SDK2: variants seen among roughly 807,000 people sequenced by gnomAD.
SDK2 encodes protein sidekick-2.
A neutral mutation model predicts 253.9 loss-of-function variants in SDK2; 105 were observed. The observed-to-expected ratio is 0.41, with a 90% CI of 0.35 to 0.49. The LOEUF (loss-of-function observed/expected upper bound fraction) is 0.49. Ranked by LOEUF, SDK2 falls within the 20% of genes least tolerant of loss-of-function variation. SDK2 has a pLI of 0.06. For synonymous variants in SDK2, 1,249 were observed against 1,234.9 expected (o/e 1.01, Z -0.24); for missense variants, 2,608 against 3,003.0 (o/e 0.87, Z 3.07).
At chr17:73,373,088 T>C (rs2062750472) in intron 36 of SDK2, among the ~76,000 whole-genome samples, 1 of 152,226 alleles carries the variant, frequency 6.6e-6, no homozygotes. Context: ...AGTTTGATTA[T>C]TTTAGATTCC....
chr17:73,532,851 T>G (rs2064180903), intron 1 of SDK2, among the ~76,000 whole-genome samples: 1 of 152,202 alleles, frequency 6.6e-6, no homozygotes, highest in Admixed American at 6.5e-5. Context: ...GGGTGGTTAG[T>G]GTGTCTGTCT....
rs1289704949 is a variant in SDK2 at position 73,361,319 on chromosome 17, G to T, written c.5467+365C>A. ...GAAGATGGCTCTGGCTGGGCGAAAG[G>T]CAGGGGCACCTGCCAGGCTGCATCC... is the stretch of plus-strand genomic sequence containing the variant. On this transcript the variant is annotated intron_variant, in intron 39 of 44. Coordinates refer to ENST00000392650, the MANE Select transcript of SDK2 (RefSeq NM_001144952.2). The surrounding 1 kb of genome is among the most constrained non-coding windows in gnomAD (Gnocchi z 4.1). Among the ~76,000 whole-genome samples the T allele has an allele frequency of 6.6e-6, 1 of 152,192 alleles. No homozygotes were observed. Among genetic ancestry groups the T allele is most frequent in the Non-Finnish European group, 1.5e-5 (1 of 68,036 alleles).
chr17:73,424,048 T>C lies in SDK2; in HGVS notation c.1628A>G (p.His543Arg). The change falls in exon 13 of 45, where the codon CAT becomes CGT. Residue 543 changes from histidine (H) to arginine (R), a missense_variant. His to Arg is a conservative substitution (Grantham distance 29, BLOSUM62 0). Around this residue, in one of 2 missense-constraint regions of SDK2, gnomAD observed 1,505 missense variants for 1,859.1 expected, o/e 0.81. Transcript: ENST00000392650. ...GTTTCTGTCCAGGCGGATACGAGGA[T>C]GGCTCTCCGTGCCCAGGGTGGCCCC... is the stretch of plus-strand genomic sequence containing the variant. Reference protein sequence around the residue: ...KDGATLGTESHPRIRLDRNGS... With the variant: ...KDGATLGTESRPRIRLDRNGS... The C allele has an allele frequency of 6.2e-7, 1 of 1,613,050 alleles. No homozygotes were observed. The highest frequency in any genetic ancestry group is 8.5e-7 in the Non-Finnish European group (1 of 1,179,688).
intron 24 of SDK2, among the ~76,000 whole-genome samples, chr17:73,396,744 C>T (rs1216392829): frequency 6.6e-6 from 1 of 152,180 alleles, no homozygotes; most frequent in East Asian, 1.9e-4. Context: ...CCGCATCAGG[C>T]TCTAACCTTT....
At chr17:73,340,785 C>T (rs931054969) in intron 44 of SDK2, among the ~76,000 whole-genome samples, 1 of 91,886 alleles carries the variant, frequency 1.1e-5, no homozygotes, top group Admixed American at 1.9e-4. Flanking sequence ...CTCTTGTCGT[C>T]CAGGCTTGAG....
Position 73,639,716 on chromosome 17 carries a change from G to A in SDK2, c.64+4309C>T, listed in dbSNP as rs1015006732. ...CTCCCAGAGGGGCTGGGAGTCCGTA[G>A]GGACAGGGAGAGGGTTCCAGCCAAT... On this transcript the variant is annotated intron_variant, in intron 1 of 44. Transcript: ENST00000392650. The surrounding 1 kb of genome is among the most constrained non-coding windows in gnomAD (Gnocchi z 4.3). Among the ~76,000 whole-genome samples, 5 of 152,266 alleles carry A rather than the reference G, an allele frequency of 3.3e-5. No homozygotes were observed. The highest frequency in any genetic ancestry group is 2.1e-4 in the South Asian group (1 of 4,814).
chr17:73,432,724 C>T (rs2063335562), intron 10 of SDK2, among the ~76,000 whole-genome samples: 1 of 149,886 alleles, frequency 6.7e-6, no homozygotes, highest in African/African-American at 2.4e-5. Flanking sequence ...GGAGGCACCT[C>T]TGAGCTGGGG....
At position 73,550,548 on chromosome 17, in the gene SDK2, G is replaced by A. The variant is rs574218831; in HGVS notation, c.65-42951C>T. On this transcript the variant is annotated intron_variant, in intron 1 of 44. Coordinates refer to ENST00000392650, the MANE Select transcript of SDK2 (RefSeq NM_001144952.2). ...CAGGGTGGCGGTGGAAGGGCAGGAGGGACCCAAGGAAGCCACAGAGCTTTT... is the reference window on the plus strand; with the variant it reads ...CAGGGTGGCGGTGGAAGGGCAGGAGAGACCCAAGGAAGCCACAGAGCTTTT... Among the ~76,000 whole-genome samples, 3 of 152,156 alleles carry A rather than the reference G, an allele frequency of 2.0e-5. No individual in the cohort carries two copies. In the East Asian group the frequency reaches 5.8e-4, roughly 29 times the overall value.
intron 36 of SDK2, among the ~76,000 whole-genome samples, chr17:73,376,441 G>A (rs891336580): frequency 2.6e-5 from 4 of 151,986 alleles, no homozygotes; most frequent in Admixed American, 2.6e-4. Flanking sequence ...AGTCTGACTG[G>A]AATGCAGTAT....
intron 18 of SDK2, among the ~76,000 whole-genome samples, chr17:73,402,878 A>G (rs1050351980): frequency 7.2e-5 from 11 of 152,030 alleles, no homozygotes; most frequent in African/African-American, 2.7e-4. Flanking sequence ...GCTCACTGCA[A>G]CCTCTGCCTC....
At chr17:73,376,749 C>T (rs937090947) in intron 36 of SDK2, among the ~76,000 whole-genome samples, 1 of 152,170 alleles carries the variant, frequency 6.6e-6, no homozygotes, top group Non-Finnish European at 1.5e-5. Context: ...TTTCTTTTCC[C>T]ATGGGAGGCA....
intron 1 of SDK2, among the ~76,000 whole-genome samples, chr17:73,619,390 A>G (rs909261936): frequency 6.6e-6 from 1 of 152,358 alleles, no homozygotes; most frequent in South Asian, 2.1e-4. Context: ...TGGTACTACC[A>G]TAAGGACAGA....
chr17:73,606,497 G>T (rs895946566), intron 1 of SDK2, among the ~76,000 whole-genome samples: 164 of 152,244 alleles, frequency 1.1e-3, no homozygotes, highest in Non-Finnish European at 1.7e-3. Context: ...TATGGGCCGG[G>T]TCCTCTCCTA....
At chr17:73,506,891 G>A (rs2063939946) in intron 2 of SDK2, among the ~76,000 whole-genome samples, 1 of 152,240 alleles carries the variant, frequency 6.6e-6, no homozygotes, top group African/African-American at 2.4e-5. Context: ...GGAAAGGCCA[G>A]TCAGGCCCAA....
chr17:73,644,223 A>C lies in SDK2; in HGVS notation c.-135T>G. 1.4e-6 allele frequency: 1 copy of C among 720,432 alleles called. No homozygotes were observed. The highest frequency in any genetic ancestry group is 2.4e-6 in the Non-Finnish European group (1 of 420,196). 44.6% of individuals were successfully genotyped at this position (720,432 alleles called of 1,614,324 possible). A position where few individuals can be genotyped will look rare whatever the true frequency, so the allele number is the denominator to read the frequency against. On this transcript the variant is annotated 5_prime_UTR_variant, in exon 1 of 45. Coordinates refer to ENST00000392650, the MANE Select transcript of SDK2 (RefSeq NM_001144952.2). This position sits in a 1 kb window ranked among gnomAD's most constrained non-coding sequence, Gnocchi z 6.3. ...ACGCGGCTCCGTGCCCCGGGGTGTA[A>C]TATGCCCGGGAGGGGCAGCGCTTGG...
chr17:73,588,387 CAAAAAAA>C (rs1215654213), intron 1 of SDK2, among the ~76,000 whole-genome samples: 750 of 59,016 alleles, frequency 0.013, 7 homozygotes, highest in South Asian at 0.02. Flanking sequence ...AACTCCATCT[CAAAAAAA>C]AAAAAAAAAA....
At chr17:73,595,060 T>C (rs904303932) in intron 1 of SDK2, among the ~76,000 whole-genome samples, 2 of 152,160 alleles carry the variant, frequency 1.3e-5, no homozygotes, top group African/African-American at 4.8e-5. Context: ...GACTTCGGCC[T>C]GTTTCTGTTG....
At chr17:73,444,906 T>C (rs4789619) in intron 5 of SDK2, among the ~76,000 whole-genome samples, 45,857 of 152,160 alleles carry the variant, frequency 0.3, 7,774 homozygotes, top group African/African-American at 0.45. Flanking sequence ...GCAGGGGCCA[T>C]GAGCCACACG....
intron 1 of SDK2, among the ~76,000 whole-genome samples, chr17:73,581,658 C>T (rs557878393): frequency 2.0e-5 from 3 of 152,224 alleles, no homozygotes; most frequent in Non-Finnish European, 4.4e-5. Flanking sequence ...TGGCAGGAGG[C>T]AACACTCTCG....
Sources: allele counts gnomAD v4.1 joint callset (sites outside exome capture counted in the v4.1 genomes callset), GRCh38; gene constraint gnomAD v4.1.1; regional missense constraint gnomAD v4.1.1; non-coding constraint Gnocchi (gnomAD v3.1); transcripts MANE v1.5; gene names NCBI Gene and HGNC (gene_info 2026-07-23, HGNC 2026-07-21).